Variants in SOX6 observed in about 807,000 individuals in gnomAD.
The protein encoded by SOX6 is transcription factor SOX-6.
SOX6 carries 11 observed loss-of-function variants against 97.8 expected under a neutral mutation model. The ratio of observed to expected loss-of-function variants is 0.11; its 90% confidence interval spans 0.07 to 0.19. The LOEUF (loss-of-function observed/expected upper bound fraction) is 0.19. SOX6 is among the 10% of genes least tolerant of loss of function. SOX6 has a pLI of 1.00. For synonymous variants in SOX6, 360 were observed against 371.4 expected, an observed-to-expected ratio of 0.97 and a Z score of 0.35; for missense variants, 810 against 1,039.5, an observed-to-expected ratio of 0.78 and a Z score of 3.04.
At position 16,144,781 on chromosome 11, in the gene SOX6, C is replaced by A. The variant is rs1269187017; in HGVS notation, c.778-32858G>T. Among the ~76,000 whole-genome samples the A allele has an allele frequency of 3.9e-5, 6 of 152,022 alleles. No homozygotes were observed. The East Asian group carries it at 9.6e-4, about 24-fold the overall frequency. On this transcript the variant is annotated intron_variant, in intron 6 of 15. Transcript: ENST00000683767. Reference sequence around the variant, plus strand: ...TGGATAAATTCCTCGACACATACACCCTCCCAAGACTAAACCCAGAAGAAG... The same window carrying A: ...TGGATAAATTCCTCGACACATACACACTCCCAAGACTAAACCCAGAAGAAG...
At chr11:16,309,478 G>A (rs1855533769) in intron 3 of SOX6, among the ~76,000 whole-genome samples, 1 of 152,120 alleles carries the variant, frequency 6.6e-6, no homozygotes, top group East Asian at 1.9e-4. Flanking sequence ...ATTATTTAGC[G>A]ACCGATTGGA....
At chr11:16,538,684 G>C (rs1449318010) in intron 4 of SOX6, among the ~76,000 whole-genome samples, 1 of 152,142 alleles carries the variant, frequency 6.6e-6, no homozygotes, top group Non-Finnish European at 1.5e-5. Context: ...CCTAGTCTCT[G>C]ATAAAACAAA....
intron 3 of SOX6, among the ~76,000 whole-genome samples, chr11:16,614,534 A>G (rs1367069386): frequency 6.6e-6 from 1 of 152,112 alleles, no homozygotes; most frequent in East Asian, 1.9e-4. Context: ...TATATCAATG[A>G]TTTTCTATTT....
Position 16,068,779 on chromosome 11 carries a change from C to T in SOX6, c.1102-12878G>A, listed in dbSNP as rs542145719. ...CTCAAGAACCACTTTTTCCTTGAAG[C>T]GTTATCTGACTACTGCCTCCTTTGT... On this transcript the variant is annotated intron_variant, in intron 9 of 15. Transcript: ENST00000683767. Among the ~76,000 whole-genome samples the T allele has an allele frequency of 2.1e-3, 323 of 152,314 alleles. 1 individual carries two copies. Among genetic ancestry groups the T allele is most frequent in the African/African-American group, 7.4e-3 (307 of 41,584 alleles).
rs373068695 is a variant in SOX6 at position 16,046,628 on chromosome 11, C to T, written c.1509G>A (p.Ala503=). ...GCTGGATCTGCTCTCGCATCTTCCG[C>T]GCCTCCTGAATGGCTTTCATCACTG... ...QDTVMKAIQE[A]RKMREQIQRE... Residue 503 remains alanine, a synonymous_variant, in exon 12 of 16, where the codon GCG becomes GCA. Coordinates refer to ENST00000683767, the MANE Select transcript of SOX6 (RefSeq NM_001367873.1). The T allele has an allele frequency of 3.0e-5, 48 of 1,613,658 alleles. No individual in the cohort carries two copies. The highest frequency in any genetic ancestry group is 1.1e-4 in the South Asian group (10 of 91,084).
At chr11:16,727,118 GTACACCTAACCCCCATC>G (rs1192213908) in intron 2 of SOX6, among the ~76,000 whole-genome samples, 1 of 151,820 alleles carries the variant, frequency 6.6e-6, no homozygotes, top group African/African-American at 2.4e-5. Context: ...CTTGCTACCA[GTACACCTAACCCCCATC>G]TACCACTACT....
At chr11:16,599,747 T>A (rs1848248077) in intron 4 of SOX6, among the ~76,000 whole-genome samples, 1 of 152,216 alleles carries the variant, frequency 6.6e-6, no homozygotes, top group African/African-American at 2.4e-5. Flanking sequence ...TGATTTTTAA[T>A]GTGGTTTATT....
At position 16,282,548 on chromosome 11, in the gene SOX6, C is replaced by G. The variant is rs956190185; in HGVS notation, c.445+35898G>C. ...ATAACTGTTTCTTGATACCCACTAA[C>G]TTTTTTAAATTTTTAAGCCCAGTTT... On this transcript the variant is annotated intron_variant, in intron 3 of 15. Coordinates refer to ENST00000683767, the MANE Select transcript of SOX6 (RefSeq NM_001367873.1). 6.6e-5 allele frequency among the ~76,000 whole-genome samples: 10 copies of G among 151,452 alleles called. No homozygotes were observed. In the East Asian group the frequency reaches 1.4e-3, roughly 20 times the overall value.
At chr11:15,973,159 A>G (rs748446972) in intron 15 of SOX6, 47 bp from the exon 16 acceptor site, 1 of 1,583,852 alleles carries the variant, frequency 6.3e-7, no homozygotes, top group Non-Finnish European at 8.7e-7. Flanking sequence ...AAATATCTAT[A>G]TATGTGCTAT....
intron 12 of SOX6, among the ~76,000 whole-genome samples, chr11:16,017,768 C>T (rs1320390269): frequency 6.6e-6 from 1 of 152,046 alleles, no homozygotes; most frequent in Non-Finnish European, 1.5e-5. Flanking sequence ...CTATATGGAA[C>T]AAATATAGAC....
intron 3 of SOX6, among the ~76,000 whole-genome samples, chr11:16,699,669 T>A (rs1848078867): frequency 6.6e-6 from 1 of 152,126 alleles, no homozygotes; most frequent in Non-Finnish European, 1.5e-5. Context: ...AGACACATCG[T>A]TGTATGATAC....
intron 15 of SOX6, among the ~76,000 whole-genome samples, chr11:15,985,921 G>A (rs1853819395): frequency 6.6e-6 from 1 of 152,156 alleles, no homozygotes; most frequent in Non-Finnish European, 1.5e-5. Context: ...TAAACTACCA[G>A]AAACTCTGTG....
chr11:16,122,680 A>G (rs1241409041), intron 6 of SOX6, among the ~76,000 whole-genome samples: 1 of 152,052 alleles, frequency 6.6e-6, no homozygotes, highest in Non-Finnish European at 1.5e-5. Context: ...ATCTTAAACT[A>G]TAGGCCTTGT....
chr11:16,328,272 T>C (rs1352733518), intron 2 of SOX6, among the ~76,000 whole-genome samples: 1 of 152,166 alleles, frequency 6.6e-6, no homozygotes, highest in African/African-American at 2.4e-5. Flanking sequence ...TATATTCTCC[T>C]TCATTAAAAA....
chr11:16,200,796 A>T (rs1322693489), intron 4 of SOX6, among the ~76,000 whole-genome samples: 1 of 152,086 alleles, frequency 6.6e-6, no homozygotes, highest in Non-Finnish European at 1.5e-5. Flanking sequence ...ACAGTTCCAG[A>T]CATATAGTAG....
intron 2 of SOX6, among the ~76,000 whole-genome samples, chr11:16,322,204 A>C (rs1258656440): frequency 6.6e-6 from 1 of 152,176 alleles, no homozygotes; most frequent in Non-Finnish European, 1.5e-5. Context: ...TCTCAAGTTG[A>C]ATTGTAATTC....
intron 6 of SOX6, among the ~76,000 whole-genome samples, chr11:16,135,763 T>C (rs1275397095): frequency 6.6e-6 from 1 of 152,228 alleles, no homozygotes; most frequent in Admixed American, 6.5e-5. Context: ...GAATATTACA[T>C]AAACTTAGTT....
intron 13 of SOX6, among the ~76,000 whole-genome samples, chr11:16,010,617 C>A (rs1036618395): frequency 6.6e-6 from 1 of 151,798 alleles, no homozygotes; most frequent in East Asian, 1.9e-4. Flanking sequence ...AAAAAAGAAA[C>A]AGGATGGAAA....
chr11:16,347,297 T>C (rs1050517495), intron 1 of SOX6, among the ~76,000 whole-genome samples: 6 of 152,116 alleles, frequency 3.9e-5, no homozygotes, highest in Non-Finnish European at 8.8e-5. Context: ...TTTTGCTTGA[T>C]ATAAATAATA....
Sources: allele counts gnomAD v4.1 joint callset (sites outside exome capture counted in the v4.1 genomes callset), GRCh38; gene constraint gnomAD v4.1.1; transcripts MANE v1.5; gene names NCBI Gene and HGNC (gene_info 2026-07-23, HGNC 2026-07-21).